Variants in SLC26A4 observed in about 807,000 individuals in gnomAD.
SLC26A4 encodes the protein solute carrier family 26 member 4, also known as pendrin.
In SLC26A4, 93 loss-of-function variants were observed where a neutral mutation model predicts 90.4. The observed-to-expected ratio is 1.03, with a 90% CI of 0.87 to 1.22. SLC26A4 has a LOEUF of 1.22. Among genes scored for constraint, SLC26A4 ranks in the 50% most tolerant of loss-of-function variants. SLC26A4 has a pLI of 0.00. For missense variants in SLC26A4, 1,127 were observed against 946.2 expected (o/e 1.19, Z -2.51); for synonymous variants, 393 against 354.6 (o/e 1.11, Z -1.22).
At chr7:107,706,929 G>A (rs553378097) in intron 18 of SLC26A4, among the ~76,000 whole-genome samples, 1 of 152,274 alleles carries the variant, frequency 6.6e-6, no homozygotes, top group Admixed American at 6.5e-5. Flanking sequence ...CAGCACTTTG[G>A]GAAGCCAAGG....
chr7:107,678,426 A>G (rs1791082854), intron 6 of SLC26A4, among the ~76,000 whole-genome samples: 1 of 152,168 alleles, frequency 6.6e-6, no homozygotes. Context: ...GTCCATGGCC[A>G]TTTCAGGACC....
chr7:107,683,820 A>T (rs1019147186), intron 8 of SLC26A4, among the ~76,000 whole-genome samples: 1 of 152,204 alleles, frequency 6.6e-6, no homozygotes, highest in Non-Finnish European at 1.5e-5. Context: ...AAACTTATAC[A>T]TAACATTATA....
At chr7:107,710,421 T>C (rs1792150370) in intron 19 of SLC26A4, among the ~76,000 whole-genome samples, 1 of 152,218 alleles carries the variant, frequency 6.6e-6, no homozygotes, top group Admixed American at 6.5e-5. Context: ...TACCTGGTAG[T>C]ACCCAGTACT....
chr7:107,702,189 G>A lies in SLC26A4; in HGVS notation c.2034+132G>A, dbSNP rs59398869. On this transcript the variant is annotated intron_variant, in intron 17 of 20. Coordinates refer to ENST00000644269, the MANE Select transcript of SLC26A4 (RefSeq NM_000441.2). ...TCTAGGTGAATGCTTTTGTAAAAAA[G>A]TGTAATATTTTAAAGCATAGGCTCT... 3.0e-3 allele frequency: 2,151 copies of A among 723,624 alleles called. 36 individuals carry two copies. The African/African-American group carries it at 0.034, about 11-fold the overall frequency. 44.8% of individuals were successfully genotyped at this position (723,624 alleles called of 1,614,324 possible). A position where few individuals can be genotyped will look rare whatever the true frequency, so the allele number is the denominator to read the frequency against.
chr7:107,671,157 C>T (rs1335914506), intron 3 of SLC26A4, among the ~76,000 whole-genome samples: 1 of 151,994 alleles, frequency 6.6e-6, no homozygotes, highest in African/African-American at 2.4e-5. Context: ...GTGAATTGAC[C>T]AAAACTTTTT....
chr7:107,715,049 C>T (rs1792304566), intron 20 of SLC26A4, among the ~76,000 whole-genome samples: 1 of 137,162 alleles, frequency 7.3e-6, no homozygotes, highest in Non-Finnish European at 1.6e-5. Context: ...ACATGGTAAC[C>T]CCCCGACCAT....
chr7:107,680,001 A>T (rs1332784711), intron 6 of SLC26A4, among the ~76,000 whole-genome samples: 7 of 133,400 alleles, frequency 5.2e-5, no homozygotes, highest in African/African-American at 2.0e-4. Context: ...ATATAATCTT[A>T]TCTTATTATA....
chr7:107,711,058 T>C (rs181886229), intron 19 of SLC26A4, among the ~76,000 whole-genome samples: 1 of 152,168 alleles, frequency 6.6e-6, no homozygotes, highest in East Asian at 1.9e-4. Flanking sequence ...ATTATTCTTT[T>C]TAGGCACTGG....
At chr7:107,680,323 AATCTT>A (rs1430264864) in intron 6 of SLC26A4, among the ~76,000 whole-genome samples, 8 of 138,160 alleles carry the variant, frequency 5.8e-5, no homozygotes, top group South Asian at 4.4e-4. Context: ...ATTATTATAT[AATCTT>A]ATCTTATTAT....
chr7:107,662,957 T>A (rs970509717), intron 2 of SLC26A4, among the ~76,000 whole-genome samples: 6 of 152,190 alleles, frequency 3.9e-5, no homozygotes, highest in South Asian at 2.1e-4. Flanking sequence ...GGATTAGGAG[T>A]CTGAAAAGTA....
intron 10 of SLC26A4, chr7:107,691,751 A>G: frequency 9.7e-7 from 1 of 1,027,616 alleles, no homozygotes; most frequent in Non-Finnish European, 1.2e-6. Flanking sequence ...AAAAAATTTT[A>G]TTTTCAGAAT....
At chr7:107,670,649 T>G (rs890983789) in intron 3 of SLC26A4, among the ~76,000 whole-genome samples, 2 of 152,184 alleles carry the variant, frequency 1.3e-5, no homozygotes, top group Non-Finnish European at 2.9e-5. Context: ...GACATTCATC[T>G]GATAAGTAAT....
chr7:107,706,427 A>G (rs975176431), intron 18 of SLC26A4, among the ~76,000 whole-genome samples: 3 of 152,222 alleles, frequency 2.0e-5, no homozygotes, highest in African/African-American at 7.2e-5. Flanking sequence ...CCACTGCACT[A>G]TAGCCTGGAC....
chr7:107,700,914 C>T (rs1180817025), intron 15 of SLC26A4, among the ~76,000 whole-genome samples, 187 bp from the exon 16 acceptor site: 1 of 152,102 alleles, frequency 6.6e-6, no homozygotes, highest in African/African-American at 2.4e-5. Flanking sequence ...CTTCTCAGAG[C>T]TTCTGGGTAG....
intron 8 of SLC26A4, among the ~76,000 whole-genome samples, chr7:107,686,579 C>G (rs1272176167): frequency 6.6e-6 from 1 of 151,886 alleles, no homozygotes; most frequent in Non-Finnish European, 1.5e-5. Context: ...CCTCTGCCTC[C>G]CAGGTTCAAG....
chr7:107,666,372 C>T (rs1302081184), intron 3 of SLC26A4, among the ~76,000 whole-genome samples: 1 of 152,088 alleles, frequency 6.6e-6, no homozygotes, highest in African/African-American at 2.4e-5. Flanking sequence ...CAGGCATGTG[C>T]CACCATGCTT....
At position 107,675,109 on chromosome 7, in the gene SLC26A4, T is replaced by C. The variant is rs141852897; in HGVS notation, c.765T>C (p.Tyr255=). The change falls in exon 6 of 21, where the codon TAT becomes TAC. Residue 255 remains tyrosine (Y), a splice_region_variant and synonymous_variant. Transcript: ENST00000644269. ...KNYNGVLSII[Y]TLVEIFQNIG... is the part of the protein sequence containing the mutation. ...ACAATGGAGTTCTCTCTATTATCTATGTAAGTGTTGCTTCTTGCTCCAGGG... is the reference window on the plus strand; with the variant it reads ...ACAATGGAGTTCTCTCTATTATCTACGTAAGTGTTGCTTCTTGCTCCAGGG... 39 of 1,612,954 alleles carry C rather than the reference T, an allele frequency of 2.4e-5. No homozygotes were observed. In the African/African-American group the frequency reaches 3.2e-4, roughly 13 times the overall value.
Position 107,703,059 on chromosome 7 carries a change from G to T in SLC26A4, c.2034+1002G>T, listed in dbSNP as rs566682030. On this transcript the variant is annotated intron_variant, in intron 17 of 20. Transcript: ENST00000644269. ...CAAATAGATGTGAAATGCCTAATGT[G>T]TACTGAGCACTCTGCCAGGCACAAG... 2.0e-5 allele frequency among the ~76,000 whole-genome samples: 3 copies of T among 152,324 alleles called. No individual in the cohort carries two copies. In the East Asian group the frequency reaches 5.8e-4, roughly 29 times the overall value.
At chr7:107,676,131 C>T (rs904905755) in intron 6 of SLC26A4, among the ~76,000 whole-genome samples, 9 of 152,158 alleles carry the variant, frequency 5.9e-5, no homozygotes, top group Non-Finnish European at 1.0e-4. Context: ...CATATTCTGG[C>T]TCTACTGTCT....
Sources: gnomAD v4.1 joint callset for allele counts (sites outside exome capture counted in the v4.1 genomes callset) on GRCh38, gnomAD v4.1.1 for gene constraint, MANE v1.5 for transcripts, NCBI Gene and HGNC (gene_info 2026-07-23, HGNC 2026-07-21) for gene names.